HPSE2: variants seen among roughly 807,000 people sequenced by gnomAD.
The protein encoded by HPSE2 is heparanase 2 (inactive), also known as inactive heparanase-2.
In HPSE2, 38 loss-of-function variants were observed where a neutral mutation model predicts 60.5. The observed-to-expected ratio is 0.63, with a 90% CI of 0.48 to 0.82. The LOEUF is 0.82. HPSE2 is among the 40% of genes least tolerant of loss of function. The pLI, the probability that HPSE2 is intolerant of heterozygous loss-of-function variation, is 0.00. For synonymous variants in HPSE2, 295 were observed against 293.2 expected (o/e 1.01, Z -0.06); for missense variants, 713 against 740.4 (o/e 0.96, Z 0.43).
intron 3 of HPSE2, among the ~76,000 whole-genome samples, chr10:99,104,106 A>G (rs1380981691): frequency 6.6e-6 from 1 of 152,204 alleles, no homozygotes; most frequent in Non-Finnish European, 1.5e-5. Flanking sequence ...ACCAAAAGCA[A>G]TGGTAACAAA....
intron 4 of HPSE2, among the ~76,000 whole-genome samples, chr10:98,722,872 C>T (rs989100231): frequency 2.6e-5 from 4 of 152,108 alleles, no homozygotes; most frequent in East Asian, 1.9e-4. Flanking sequence ...TGGGCTGAGA[C>T]GATGGGGTTT....
intron 3 of HPSE2, among the ~76,000 whole-genome samples, chr10:98,754,024 A>C (rs1949820416): frequency 6.6e-6 from 1 of 152,158 alleles, no homozygotes; most frequent in African/African-American, 2.4e-5. Context: ...CTGAAGTGAG[A>C]TATAGAATTC....
At chr10:98,646,226 T>A (rs890093882) in intron 6 of HPSE2, among the ~76,000 whole-genome samples, 1 of 152,136 alleles carries the variant, frequency 6.6e-6, no homozygotes, top group Non-Finnish European at 1.5e-5. Flanking sequence ...ATCATTTATA[T>A]TTGGGCATGA....
intron 3 of HPSE2, among the ~76,000 whole-genome samples, chr10:99,097,909 A>T (rs372608589): frequency 1.3e-5 from 2 of 152,182 alleles, no homozygotes; most frequent in East Asian, 1.9e-4. Flanking sequence ...AGCAGACAGG[A>T]AAAGTCACTG....
At chr10:98,865,741 A>T (rs1952571538) in intron 3 of HPSE2, among the ~76,000 whole-genome samples, 1 of 152,138 alleles carries the variant, frequency 6.6e-6, no homozygotes, top group African/African-American at 2.4e-5. Context: ...GTGTTCTACA[A>T]GACTGAAAAT....
At chr10:98,855,138 G>A (rs746526238) in intron 3 of HPSE2, among the ~76,000 whole-genome samples, 6 of 152,204 alleles carry the variant, frequency 3.9e-5, no homozygotes, top group Non-Finnish European at 8.8e-5. Context: ...ATGGGACCAG[G>A]TGATGCCAAG....
At chr10:99,226,383 G>A (rs917783692) in intron 2 of HPSE2, among the ~76,000 whole-genome samples, 2 of 151,938 alleles carry the variant, frequency 1.3e-5, no homozygotes, top group East Asian at 3.8e-4. Flanking sequence ...CTACACTATT[G>A]GTTCATTGAC....
intron 3 of HPSE2, among the ~76,000 whole-genome samples, chr10:98,945,070 A>C (rs545952919): frequency 1.3e-5 from 2 of 152,306 alleles, no homozygotes; most frequent in East Asian, 1.9e-4. Context: ...TTTAGCTACA[A>C]GATGTATGAC....
intron 9 of HPSE2, among the ~76,000 whole-genome samples, chr10:98,590,849 C>T (rs911917461): frequency 3.3e-5 from 5 of 152,104 alleles, no homozygotes; most frequent in Admixed American, 6.5e-5. Flanking sequence ...CACTTAATTC[C>T]TTTGTGTCTG....
In HPSE2 at chr10:98,514,554, A is replaced by G. The variant is rs191155155; in HGVS notation, c.1321-24358T>C. On this transcript the variant is annotated intron_variant, in intron 9 of 11. Coordinates refer to ENST00000370552, the MANE Select transcript of HPSE2 (RefSeq NM_021828.5). ...TTGCTGCATACCCATTTCACTTCTT[A>G]TAATTTATTTTTAGGAGATAATCAC... 2.0e-5 allele frequency among the ~76,000 whole-genome samples: 3 copies of G among 152,300 alleles called. No individual in the cohort carries two copies. In the East Asian group the frequency reaches 5.8e-4, roughly 29 times the overall value.
At chr10:99,011,574 C>T (rs1295839117) in intron 3 of HPSE2, among the ~76,000 whole-genome samples, 1 of 151,438 alleles carries the variant, frequency 6.6e-6, no homozygotes, top group Non-Finnish European at 1.5e-5. Flanking sequence ...TAGCCAACGT[C>T]GTGAAACCCC....
At chr10:98,640,363 T>C (rs530071144) in intron 7 of HPSE2, among the ~76,000 whole-genome samples, 1 of 152,270 alleles carries the variant, frequency 6.6e-6, no homozygotes, top group South Asian at 2.1e-4. Flanking sequence ...CAGATAAGGG[T>C]GCTGGCCAAT....
chr10:98,551,808 T>C (rs963149907), intron 9 of HPSE2, among the ~76,000 whole-genome samples: 1 of 152,234 alleles, frequency 6.6e-6, no homozygotes, highest in African/African-American at 2.4e-5. Flanking sequence ...AGTATCCTAA[T>C]TGATACAGCA....
At chr10:98,815,884 G>A (rs144686094) in intron 3 of HPSE2, among the ~76,000 whole-genome samples, 2,076 of 151,928 alleles carry the variant, frequency 0.014, 43 homozygotes, top group African/African-American at 0.048. Flanking sequence ...GTAGGGACAC[G>A]GATGAAGCTG....
intron 6 of HPSE2, among the ~76,000 whole-genome samples, chr10:98,690,525 G>A (rs1026419885): frequency 2.0e-5 from 3 of 152,128 alleles, no homozygotes; most frequent in Non-Finnish European, 2.9e-5. Flanking sequence ...GGGTGACAGA[G>A]CGAGACTCCA....
intron 3 of HPSE2, among the ~76,000 whole-genome samples, chr10:99,035,617 G>C (rs956618022): frequency 2.6e-5 from 4 of 152,190 alleles, no homozygotes; most frequent in African/African-American, 7.2e-5. Context: ...TTATGTGCTA[G>C]CTATACTTTT....
intron 11 of HPSE2, among the ~76,000 whole-genome samples, chr10:98,469,774 C>T (rs550966593): frequency 5.0e-4 from 76 of 152,288 alleles, no homozygotes; most frequent in African/African-American, 1.8e-3. Flanking sequence ...ACTTCCAAAC[C>T]CTTAGTGATC....
At chr10:99,235,391 T>C in intron 1 of HPSE2, 122 bp downstream of exon 1, 2 of 933,034 alleles carry the variant, frequency 2.1e-6, no homozygotes, top group Non-Finnish European at 3.5e-6. Context: ...AAACCTCTTT[T>C]CTTCTCTTTG....
intron 3 of HPSE2, among the ~76,000 whole-genome samples, chr10:98,893,920 G>A (rs1315119708): frequency 6.6e-6 from 1 of 151,286 alleles, no homozygotes; most frequent in Non-Finnish European, 1.5e-5. Context: ...AAAAAAATAG[G>A]CAGTAAAGAA....
Sources: allele counts gnomAD v4.1 joint callset (sites outside exome capture counted in the v4.1 genomes callset), GRCh38; gene constraint gnomAD v4.1.1; transcripts MANE v1.5; gene names NCBI Gene and HGNC (gene_info 2026-07-23, HGNC 2026-07-21).